The following PRKD1 variants were observed in gnomAD, a reference collection of about 807,000 sequenced individuals.
PRKD1 encodes the protein serine/threonine-protein kinase D1.
PRKD1 carries 63 observed loss-of-function variants against 95.9 expected under a neutral mutation model. That is an observed-to-expected ratio of 0.66 (90% CI 0.54 to 0.81). PRKD1 has a LOEUF of 0.81. PRKD1 is among the 30% of genes least tolerant of loss of function. The pLI, the probability that PRKD1 is intolerant of heterozygous loss-of-function variation, is 0.00. For synonymous variants in PRKD1, 425 were observed against 423.1 expected, an observed-to-expected ratio of 1.00 and a Z score of -0.05; for missense variants, 1,048 against 1,165.3, an observed-to-expected ratio of 0.90 and a Z score of 1.47.
chr14:29,897,067 T>G (rs1248195944), intron 1 of PRKD1, among the ~76,000 whole-genome samples: 1 of 152,020 alleles, frequency 6.6e-6, no homozygotes, highest in Non-Finnish European at 1.5e-5. Flanking sequence ...ACTTACAATT[T>G]TAGATAATAA....
intron 11 of PRKD1, 69 bp from the exon 12 acceptor site, chr14:29,626,625 A>G: frequency 1.2e-6 from 1 of 827,700 alleles, no homozygotes; most frequent in South Asian, 2.9e-5. Flanking sequence ...AAATTAATAT[A>G]ATTCTATTAA....
chr14:29,722,608 G>A (rs1566561430), intron 2 of PRKD1, among the ~76,000 whole-genome samples: 2 of 152,150 alleles, frequency 1.3e-5, no homozygotes, highest in African/African-American at 2.4e-5. Context: ...TATTTATTGA[G>A]AACCTCATAT....
intron 1 of PRKD1, among the ~76,000 whole-genome samples, chr14:29,817,057 T>A (rs1160554384): frequency 6.6e-6 from 1 of 152,334 alleles, no homozygotes; most frequent in Non-Finnish European, 1.5e-5. Flanking sequence ...TTACTTTTTA[T>A]GTTGGCTTCA....
chr14:29,816,690 C>A (rs567603473), intron 1 of PRKD1, among the ~76,000 whole-genome samples: 1 of 152,258 alleles, frequency 6.6e-6, no homozygotes, highest in South Asian at 2.1e-4. Context: ...CTTTGCACCT[C>A]TTTGGTTTCA....
At chr14:29,918,496 C>G (rs1894971615) in intron 1 of PRKD1, among the ~76,000 whole-genome samples, 1 of 152,188 alleles carries the variant, frequency 6.6e-6, no homozygotes, top group Non-Finnish European at 1.5e-5. Context: ...TCTCAATGTT[C>G]ACCTGCTCAC....
At chr14:29,684,581 T>G (rs1227550615) in intron 2 of PRKD1, among the ~76,000 whole-genome samples, 1 of 152,226 alleles carries the variant, frequency 6.6e-6, no homozygotes, top group Admixed American at 6.5e-5. Flanking sequence ...AATCAACTCA[T>G]GTCTTCAGAT....
intron 1 of PRKD1, among the ~76,000 whole-genome samples, chr14:29,833,605 C>T (rs182099171): frequency 2.6e-5 from 4 of 152,076 alleles, no homozygotes; most frequent in Non-Finnish European, 5.9e-5. Flanking sequence ...TTTATTGTTT[C>T]TTCTAGAACA....
At chr14:29,654,822 A>G (rs1257855911) in intron 4 of PRKD1, among the ~76,000 whole-genome samples, 2 of 152,228 alleles carry the variant, frequency 1.3e-5, no homozygotes, top group African/African-American at 4.8e-5. Flanking sequence ...TACTTGCACA[A>G]CTGTCACTAA....
Position 29,734,059 on chromosome 14 carries a change from T to G in PRKD1, c.265-8385A>C, listed in dbSNP as rs1399514141. On this transcript the variant is annotated intron_variant, in intron 1 of 17. Coordinates refer to ENST00000331968, the MANE Select transcript of PRKD1 (RefSeq NM_002742.3). ...TTTTTTTTTTTTTTTTTTTTTTTTT[T>G]TGAGTCGGAGTCTAGCTCTGTCACT... 1.6e-4 allele frequency among the ~76,000 whole-genome samples: 14 copies of G among 86,862 alleles called. No homozygotes were observed. In the East Asian group the frequency reaches 6.3e-3, roughly 39 times the overall value. 57.0% of individuals were successfully genotyped at this position (86,862 alleles called of 152,430 possible). A position where few individuals can be genotyped will look rare whatever the true frequency, so the allele number is the denominator to read the frequency against.
chr14:29,865,377 C>T (rs975528488), intron 1 of PRKD1, among the ~76,000 whole-genome samples: 2 of 152,148 alleles, frequency 1.3e-5, no homozygotes, highest in African/African-American at 2.4e-5. Context: ...CCCTATAAAA[C>T]CCATGTTGAA....
chr14:29,921,107 A>T (rs1043350564), intron 1 of PRKD1, among the ~76,000 whole-genome samples: 1 of 152,240 alleles, frequency 6.6e-6, no homozygotes, highest in Admixed American at 6.5e-5. Context: ...AATACCATTG[A>T]CATTGCACTT....
chr14:29,651,735 T>A (rs983354934), intron 4 of PRKD1, among the ~76,000 whole-genome samples: 2 of 152,150 alleles, frequency 1.3e-5, no homozygotes, highest in South Asian at 4.2e-4. Flanking sequence ...TCATATTTTT[T>A]ATTTATTATT....
chr14:29,676,924 T>A (rs1051451214), intron 2 of PRKD1, among the ~76,000 whole-genome samples: 1 of 152,204 alleles, frequency 6.6e-6, no homozygotes, highest in Non-Finnish European at 1.5e-5. Flanking sequence ...TTAATTACAA[T>A]TTAATAAAAT....
At chr14:29,910,698 G>T (rs1333855266) in intron 1 of PRKD1, among the ~76,000 whole-genome samples, 1 of 152,192 alleles carries the variant, frequency 6.6e-6, no homozygotes, top group Non-Finnish European at 1.5e-5. Context: ...TTTGAGACTT[G>T]TTAGGACAAA....
chr14:29,870,234 A>G (rs976083634), intron 1 of PRKD1, among the ~76,000 whole-genome samples: 8 of 152,164 alleles, frequency 5.3e-5, no homozygotes, highest in Non-Finnish European at 1.0e-4. Flanking sequence ...ATCAGAACCT[A>G]CAGTTCAGGA....
Position 29,592,000 on chromosome 14 carries a change from A to C in PRKD1, c.2434+5491T>G, listed in dbSNP as rs1046226855. ...CTAAAATTATGTTTAAGTGATACTG[A>C]GCTGCCCTTCCATAGATAAAGTAAA... On this transcript the variant is annotated intron_variant, in intron 16 of 17. Transcript: ENST00000331968. 4.1e-4 allele frequency among the ~76,000 whole-genome samples: 62 copies of C among 152,190 alleles called. 1 individual carries two copies. The highest frequency in any genetic ancestry group is 3.3e-4 in the Admixed American group (5 of 15,268).
chr14:29,832,383 T>G (rs1427297970), intron 1 of PRKD1, among the ~76,000 whole-genome samples: 1 of 152,222 alleles, frequency 6.6e-6, no homozygotes, highest in East Asian at 1.9e-4. Flanking sequence ...TGCATGCATT[T>G]CTCCATTGAC....
At chr14:29,851,686 G>T (rs1345732906) in intron 1 of PRKD1, among the ~76,000 whole-genome samples, 1 of 152,094 alleles carries the variant, frequency 6.6e-6, no homozygotes, top group Non-Finnish European at 1.5e-5. Context: ...ACTGCTCAAA[G>T]AACTAAAAAT....
At chr14:29,896,289 T>C (rs1001157316) in intron 1 of PRKD1, among the ~76,000 whole-genome samples, 23 of 152,182 alleles carry the variant, frequency 1.5e-4, no homozygotes, top group Admixed American at 1.1e-3. Flanking sequence ...TTACTGACTC[T>C]TAACTTCAGA....
Sources: gnomAD v4.1 joint callset for allele counts (sites outside exome capture counted in the v4.1 genomes callset) on GRCh38, gnomAD v4.1.1 for gene constraint, MANE v1.5 for transcripts, NCBI Gene and HGNC (gene_info 2026-07-23, HGNC 2026-07-21) for gene names.